Variants in MAP2K5 observed in about 807,000 individuals in gnomAD.
MAP2K5 encodes dual specificity mitogen-activated protein kinase kinase 5.
In MAP2K5, 49 loss-of-function variants were observed where a neutral mutation model predicts 83.1. The ratio of observed to expected loss-of-function variants is 0.59; its 90% CI spans 0.47 to 0.75. The LOEUF (loss-of-function observed/expected upper bound fraction) is 0.75, where lower values mean the gene tolerates loss of function less well. MAP2K5 is among the 30% of genes least tolerant of loss of function. The pLI is 0.00. For synonymous variants in MAP2K5, 202 were observed against 191.8 expected (o/e 1.05, Z -0.44); for missense variants, 457 against 557.5 (o/e 0.82, Z 1.82).
At chr15:67,622,352 T>C (rs953774930) in intron 8 of MAP2K5, among the ~76,000 whole-genome samples, 2 of 151,992 alleles carry the variant, frequency 1.3e-5, no homozygotes, top group Non-Finnish European at 2.9e-5. Context: ...GAGTTGAGTA[T>C]TGTGCATAAG....
At chr15:67,582,647 C>G (rs993312093) in intron 4 of MAP2K5, among the ~76,000 whole-genome samples, 12 of 151,960 alleles carry the variant, frequency 7.9e-5, no homozygotes, top group African/African-American at 2.9e-4. Context: ...TGTCAAAACC[C>G]TGTCTCTACC....
At chr15:67,569,005 C>CAAAAAAAAA (rs71142380) in intron 3 of MAP2K5, among the ~76,000 whole-genome samples, 2 of 91,206 alleles carry the variant, frequency 2.2e-5, no homozygotes, top group African/African-American at 8.5e-5. Flanking sequence ...GACTCCATCT[C>CAAAAAAAAA]AAAAAAAAAA....
chr15:67,600,076 A>C (rs771617970), intron 7 of MAP2K5, among the ~76,000 whole-genome samples: 1 of 152,178 alleles, frequency 6.6e-6, no homozygotes, highest in African/African-American at 2.4e-5. Context: ...ATATTCGACT[A>C]TATGTGCATC....
At chr15:67,761,824 A>G (rs180794817) in intron 19 of MAP2K5, among the ~76,000 whole-genome samples, 5 of 152,282 alleles carry the variant, frequency 3.3e-5, no homozygotes, top group African/African-American at 1.2e-4. Context: ...AATATAATTT[A>G]TGATCTACCT....
chr15:67,595,220 G>C (rs1422242923), intron 7 of MAP2K5, among the ~76,000 whole-genome samples: 1 of 152,116 alleles, frequency 6.6e-6, no homozygotes, highest in Admixed American at 6.5e-5. Flanking sequence ...TAGGTTATGT[G>C]ATATAAATAT....
At chr15:67,661,332 A>G (rs1337120396) in intron 12 of MAP2K5, among the ~76,000 whole-genome samples, 4 of 152,100 alleles carry the variant, frequency 2.6e-5, no homozygotes, top group Non-Finnish European at 5.9e-5. Flanking sequence ...AAGCAGTGAC[A>G]TTGTGTACTG....
chr15:67,787,159 T>G (rs115168463), intron 21 of MAP2K5, among the ~76,000 whole-genome samples: 3,099 of 152,332 alleles, frequency 0.02, 120 homozygotes, highest in African/African-American at 0.071. Flanking sequence ...CAGGACTGAT[T>G]CCGCCTGCCC....
chr15:67,703,640 G>A (rs746867911), intron 16 of MAP2K5, among the ~76,000 whole-genome samples: 5 of 152,122 alleles, frequency 3.3e-5, no homozygotes, highest in South Asian at 2.1e-4. Context: ...TGCCTGGAGC[G>A]CTTGTTAAAA....
At position 67,573,896 on chromosome 15, in the gene MAP2K5, T is replaced by C. The variant is rs181330364; in HGVS notation, c.253-6858T>C. On this transcript the variant is annotated intron_variant, in intron 3 of 21. Coordinates refer to ENST00000178640, the MANE Select transcript of MAP2K5 (RefSeq NM_145160.3). The surrounding 1 kb of genome is among the most constrained non-coding windows in gnomAD (Gnocchi z 4.2). ...AGTGCAGCGCATCTCCTCCATATGG[T>C]TTTTTGCTTTGTTATTTTACATATA... Among the ~76,000 whole-genome samples the C allele has an allele frequency of 2.0e-4, 30 of 152,144 alleles. No individual in the cohort carries two copies. The highest frequency in any genetic ancestry group is 7.2e-4 in the African/African-American group (30 of 41,524).
intron 15 of MAP2K5, among the ~76,000 whole-genome samples, chr15:67,697,548 C>T (rs997152145): frequency 2.6e-5 from 4 of 152,196 alleles, no homozygotes; most frequent in African/African-American, 9.7e-5. Context: ...ATGACTTTCA[C>T]AGTGGCAAGA....
intron 3 of MAP2K5, among the ~76,000 whole-genome samples, chr15:67,566,125 TACC>T (rs2084832737): frequency 6.6e-6 from 1 of 152,170 alleles, no homozygotes; most frequent in African/African-American, 2.4e-5. Context: ...ACTGACAGAT[TACC>T]ACATTTTTAT....
Position 67,637,720 on chromosome 15 carries a change from C to G in MAP2K5, c.585+6793C>G, listed in dbSNP as rs115031344. ...GCTTCTCTAGCTTCCTTGGCCTCCTCAGACTCTCAGTTTTGTCTTCTCATC... is the reference window on the plus strand; with the variant it reads ...GCTTCTCTAGCTTCCTTGGCCTCCTGAGACTCTCAGTTTTGTCTTCTCATC... On this transcript the variant is annotated intron_variant, in intron 9 of 21. Transcript: ENST00000178640. The surrounding 1 kb of genome is among the most constrained non-coding windows in gnomAD (Gnocchi z 4.5). Among the ~76,000 whole-genome samples the G allele has an allele frequency of 0.019, 2,852 of 152,256 alleles. 93 individuals carry two copies. The highest frequency in any genetic ancestry group is 0.065 in the African/African-American group (2,687 of 41,532).
intron 16 of MAP2K5, among the ~76,000 whole-genome samples, chr15:67,723,063 T>C (rs1464419304): frequency 6.6e-6 from 1 of 152,216 alleles, no homozygotes; most frequent in East Asian, 1.9e-4. Flanking sequence ...GGAGACTTGA[T>C]TACTAAAAAC....
chr15:67,689,703 T>G (rs1185556688), intron 13 of MAP2K5, among the ~76,000 whole-genome samples: 1 of 152,216 alleles, frequency 6.6e-6, no homozygotes, highest in East Asian at 1.9e-4. Flanking sequence ...CACCTTGTCT[T>G]TTGGAATATA....
chr15:67,545,352 G>T (rs1185572367), intron 1 of MAP2K5, among the ~76,000 whole-genome samples: 1 of 152,172 alleles, frequency 6.6e-6, no homozygotes, highest in Non-Finnish European at 1.5e-5. Context: ...GTTTAAGAAG[G>T]GAGCTTAAAA....
rs947224210 is a variant in MAP2K5, at chr15:67,568,781, C to T, written c.252+5431C>T. 5.3e-5 allele frequency among the ~76,000 whole-genome samples: 8 copies of T among 151,760 alleles called. No individual in the cohort carries two copies. In the East Asian group the frequency reaches 1.2e-3, roughly 22 times the overall value. Reference sequence around the variant, plus strand: ...CAGCACTTTGGGAGGCTGAGGCGGGCGGATCATGAGGTCAAGAGATCGTGA... The same window carrying T: ...CAGCACTTTGGGAGGCTGAGGCGGGTGGATCATGAGGTCAAGAGATCGTGA... On this transcript the variant is annotated intron_variant, in intron 3 of 21. Transcript: ENST00000178640.
At chr15:67,742,168 G>A in intron 17 of MAP2K5, among the ~76,000 whole-genome samples, 1 of 152,250 alleles carries the variant, frequency 6.6e-6, no homozygotes, top group East Asian at 1.9e-4. Context: ...TGGGATTGCA[G>A]GCGTGAGCCA....
chr15:67,551,843 A>G (rs982835761), intron 2 of MAP2K5, among the ~76,000 whole-genome samples: 1 of 152,248 alleles, frequency 6.6e-6, no homozygotes, highest in African/African-American at 2.4e-5. Flanking sequence ...AGCATTCAAC[A>G]GTGACTAAAA....
chr15:67,564,791 G>A (rs547875039), intron 3 of MAP2K5, among the ~76,000 whole-genome samples: 1 of 152,144 alleles, frequency 6.6e-6, no homozygotes, highest in Non-Finnish European at 1.5e-5. Flanking sequence ...ACACAGATGG[G>A]TTCTAATTTT....
Sources: allele counts gnomAD v4.1 joint callset (sites outside exome capture counted in the v4.1 genomes callset), GRCh38; gene constraint gnomAD v4.1.1; non-coding constraint Gnocchi (gnomAD v3.1); transcripts MANE v1.5; gene names NCBI Gene and HGNC (gene_info 2026-07-23, HGNC 2026-07-21).